PCLO: variants seen among roughly 807,000 people sequenced by gnomAD.
PCLO encodes protein piccolo.
Under a neutral mutation model 427.5 loss-of-function variants are expected in PCLO, and 82 were observed. That is an observed-to-expected ratio of 0.19 (90% CI 0.16 to 0.23). PCLO has a LOEUF of 0.23. PCLO is among the 10% of genes least tolerant of loss of function. PCLO has a pLI of 1.00. For missense variants in PCLO, 6,239 were observed against 6,115.9 expected (o/e 1.02, Z -0.67); for synonymous variants, 2,357 against 2,155.4 (o/e 1.09, Z -2.59).
chr7:82,943,783 A>T (rs977918527), intron 6 of PCLO, among the ~76,000 whole-genome samples: 1 of 152,056 alleles, frequency 6.6e-6, no homozygotes, highest in African/African-American at 2.4e-5. Flanking sequence ...ACACAAAAAT[A>T]CTAGATGGAA....
chr7:82,773,100 C>G (rs922854002), intron 22 of PCLO, among the ~76,000 whole-genome samples: 6 of 152,148 alleles, frequency 3.9e-5, no homozygotes, highest in Non-Finnish European at 7.3e-5. Flanking sequence ...TTGGCTACAA[C>G]TCCCAAGCAT....
In PCLO at chr7:82,969,980, T is replaced by C. The variant is rs541699575; in HGVS notation, c.3301-3493A>G. ...TATTTGACATAATAGAAATATGAAATGAAAATATCTATTCAGATTCGATAG... is the reference window on the plus strand; with the variant it reads ...TATTTGACATAATAGAAATATGAAACGAAAATATCTATTCAGATTCGATAG... On this transcript the variant is annotated intron_variant, in intron 3 of 24. Transcript: ENST00000333891. Among the ~76,000 whole-genome samples the C allele has an allele frequency of 2.6e-5, 4 of 152,138 alleles. No individual in the cohort carries two copies. In the South Asian group the frequency reaches 8.3e-4, roughly 32 times the overall value.
chr7:82,805,812 G>A lies in PCLO; in HGVS notation c.14809C>T (p.Arg4937Trp), dbSNP rs759644327. 3.7e-6 allele frequency: 6 copies of A among 1,603,836 alleles called. No individual in the cohort carries two copies. Among genetic ancestry groups the A allele is most frequent in the South Asian group, 2.2e-5 (2 of 89,140 alleles). The change falls in exon 21 of 25, where the codon CGG (arginine) becomes TGG (tryptophan). Residue 4937 changes from arginine to tryptophan, a missense_variant. Physicochemically the swap from Arg to Trp is moderately radical, Grantham distance 101. This residue lies in a region of PCLO where 877 missense variants were observed against 925.5 expected (regional missense o/e 0.95). Coordinates refer to ENST00000333891, the MANE Select transcript of PCLO (RefSeq NM_033026.6). ...GTGGACACAGAGCTTTCTGCAGGCCGGTGATTGGGAGGCTTTGCTGCATGG... is the reference window on the plus strand; with the variant it reads ...GTGGACACAGAGCTTTCTGCAGGCCAGTGATTGGGAGGCTTTGCTGCATGG... ...RIQPTKPPNH[R>W]PAESSVSTGS... is the part of the protein sequence containing the mutation.
At position 82,916,433 on chromosome 7, in the gene PCLO, A is replaced by AGTACTCT. The variant is rs770410252; in HGVS notation, c.11552_11553insAGAGTAC (p.His3851GlnfsTer6). 1 of 1,613,720 alleles carries AGTACTCT rather than the reference A, an allele frequency of 6.2e-7. No individual in the cohort carries two copies. Among genetic ancestry groups the AGTACTCT allele is most frequent in the Admixed American group, 1.7e-5 (1 of 59,974 alleles). ...GAGCAGTTCTTGGTCGCTCAATGCC[A>AGTACTCT]TGCTGACTTTCTATTCGGGTTGGTC... On this transcript the variant is annotated frameshift_variant, in exon 7 of 25. Transcript: ENST00000333891. LOFTEE classifies it high-confidence loss of function.
chr7:82,879,526 T>A, intron 9 of PCLO, 64 bp from the exon 10 acceptor site: 1 of 1,278,878 alleles, frequency 7.8e-7, no homozygotes, highest in Non-Finnish European at 1.1e-6. Context: ...TATCACAAGT[T>A]ACAGAGAGCA....
chr7:82,902,927 T>G (rs7780234), intron 8 of PCLO, among the ~76,000 whole-genome samples, 186 bp from the exon 9 acceptor site: 1 of 151,972 alleles, frequency 6.6e-6, no homozygotes, highest in African/African-American at 2.4e-5. Flanking sequence ...TGGTTCTGAG[T>G]TCTTATGGTG....
chr7:82,772,794 T>C (rs933986690), intron 22 of PCLO, among the ~76,000 whole-genome samples: 1 of 152,192 alleles, frequency 6.6e-6, no homozygotes, highest in Admixed American at 6.5e-5. Flanking sequence ...TATTTTACTG[T>C]GTCTGAAAAT....
chr7:82,998,716 G>A (rs771683341), intron 3 of PCLO, among the ~76,000 whole-genome samples: 1 of 151,678 alleles, frequency 6.6e-6, no homozygotes, highest in African/African-American at 2.4e-5. Flanking sequence ...ATTACTAAAG[G>A]CCTATTTACA....
rs796224962 is a variant in PCLO at position 83,099,390 on chromosome 7, TG to T, written c.3300+34859del. 3.9e-4 allele frequency among the ~76,000 whole-genome samples: 41 copies of T among 105,468 alleles called. 2 individuals carry two copies. Among genetic ancestry groups the T allele is most frequent in the Middle Eastern group, 8.3e-3 (2 of 242 alleles). The allele number at this position is 105,468 out of a possible 152,430, so 69.2% of individuals were successfully genotyped here. A position where few individuals can be genotyped will look rare whatever the true frequency, so the allele number is the denominator to read the frequency against. On this transcript the variant is annotated intron_variant, in intron 3 of 24. Coordinates refer to ENST00000333891, the MANE Select transcript of PCLO (RefSeq NM_033026.6). ...TGTTTTAACATACAGTAGATTTTTT[TG>T]TTTTTTTTTTTTTTGAGACAGAGTT...
At chr7:83,122,865 G>T (rs1791323932) in intron 3 of PCLO, among the ~76,000 whole-genome samples, 2 of 151,978 alleles carry the variant, frequency 1.3e-5, no homozygotes, top group African/African-American at 4.8e-5. Context: ...CACAAAATAA[G>T]AAAGTAACTT....
At chr7:82,818,522 C>T (rs1208513656) in intron 20 of PCLO, among the ~76,000 whole-genome samples, 1 of 152,036 alleles carries the variant, frequency 6.6e-6, no homozygotes, top group Non-Finnish European at 1.5e-5. Flanking sequence ...TGGAATTCCG[C>T]CATCATTTCC....
intron 9 of PCLO, among the ~76,000 whole-genome samples, chr7:82,880,688 C>G (rs1225980894): frequency 1.3e-5 from 2 of 152,262 alleles, no homozygotes; most frequent in East Asian, 3.9e-4. Context: ...CTACAATGCA[C>G]AGGGTATCTT....
At chr7:82,961,178 T>C (rs1348959856) in intron 4 of PCLO, among the ~76,000 whole-genome samples, 1 of 152,188 alleles carries the variant, frequency 6.6e-6, no homozygotes, top group Admixed American at 6.6e-5. Context: ...AATTAATCAT[T>C]GCAGAAAATT....
chr7:82,800,364 A>G (rs1383703564), intron 22 of PCLO, among the ~76,000 whole-genome samples: 1 of 152,096 alleles, frequency 6.6e-6, no homozygotes, highest in Non-Finnish European at 1.5e-5. Context: ...ACCCATTATC[A>G]TGGTAATAGT....
chr7:83,141,397 G>A (rs949731510), intron 2 of PCLO, among the ~76,000 whole-genome samples: 8 of 152,216 alleles, frequency 5.3e-5, no homozygotes, highest in African/African-American at 1.9e-4. Flanking sequence ...TACAGAAGGT[G>A]CATAAATGAA....
At chr7:82,927,294 G>T (rs1018197164) in intron 6 of PCLO, among the ~76,000 whole-genome samples, 1 of 152,016 alleles carries the variant, frequency 6.6e-6, no homozygotes, top group African/African-American at 2.4e-5. Flanking sequence ...TCACACATAC[G>T]ATCCTTGGCT....
intron 10 of PCLO, among the ~76,000 whole-genome samples, chr7:82,854,326 GCAGA>G (rs1792745584): frequency 6.6e-6 from 1 of 151,996 alleles, no homozygotes; most frequent in African/African-American, 2.4e-5. Flanking sequence ...TACATGCCAA[GCAGA>G]CAAATATTTA....
intron 8 of PCLO, among the ~76,000 whole-genome samples, chr7:82,907,374 T>C (rs762506552): frequency 4.5e-4 from 69 of 151,998 alleles, no homozygotes; most frequent in Admixed American, 7.2e-4. Flanking sequence ...GGGGAAGACA[T>C]AACAAGTATT....
intron 4 of PCLO, among the ~76,000 whole-genome samples, chr7:82,957,426 G>C (rs1795552349): frequency 6.6e-6 from 1 of 151,982 alleles, no homozygotes; most frequent in South Asian, 2.1e-4. Flanking sequence ...CAAAAAAAAA[G>C]CAAATAACAT....
Sources: allele counts gnomAD v4.1 joint callset (sites outside exome capture counted in the v4.1 genomes callset), GRCh38; gene constraint gnomAD v4.1.1; regional missense constraint gnomAD v4.1.1; transcripts MANE v1.5; gene names NCBI Gene and HGNC (gene_info 2026-07-23, HGNC 2026-07-21).